The following RBM20 variants were observed in gnomAD, a reference collection of about 807,000 sequenced individuals.
The protein encoded by RBM20 is RNA binding motif protein 20, also known as RNA-binding protein 20.
In RBM20, 51 loss-of-function variants were observed where a neutral mutation model predicts 110.1. The observed-to-expected ratio is 0.46, with a 90% CI of 0.37 to 0.59. RBM20 has a LOEUF of 0.59. RBM20 is among the 20% of genes least tolerant of loss of function. The pLI, the probability that RBM20 is intolerant of heterozygous loss-of-function variation, is 0.00. For missense variants in RBM20, 1,512 were observed against 1,574.9 expected, an observed-to-expected ratio of 0.96 and a Z score of 0.68; for synonymous variants, 589 against 618.2, an observed-to-expected ratio of 0.95 and a Z score of 0.70.
At chr10:110,728,482 G>A (rs1298525517) in intron 1 of RBM20, among the ~76,000 whole-genome samples, 1 of 151,992 alleles carries the variant, frequency 6.6e-6, no homozygotes. Flanking sequence ...GGTAGACTTT[G>A]GTAAATTGCT....
intron 1 of RBM20, among the ~76,000 whole-genome samples, chr10:110,705,204 G>T (rs1347602388): frequency 6.6e-6 from 1 of 152,154 alleles, no homozygotes; most frequent in African/African-American, 2.4e-5. Flanking sequence ...TGTGTTTGAC[G>T]CCTGGAACAG....
rs545308250 is a variant in RBM20 at position 110,798,396 on chromosome 10, T to A, written c.1668+748T>A. ...ATAGCCACATCAGGTCATTAAGCTA[T>A]CTCTCTCCATCAACCTGGAGTGAGA... On this transcript the variant is annotated intron_variant, in intron 6 of 13. Transcript: ENST00000369519. Among the ~76,000 whole-genome samples the A allele has an allele frequency of 2.0e-5, 3 of 152,374 alleles. No homozygotes were observed. In the East Asian group the frequency reaches 5.8e-4, roughly 29 times the overall value.
chr10:110,823,605 A>G lies in RBM20; in HGVS notation c.3442A>G (p.Ile1148Val), dbSNP rs1844945593. The stretch of plus-strand genomic sequence containing the variant: ...AGAGGATGTGTTCAGTGAACTTAGC[A>G]TTCCTCTAGGTAAGCAAAACACACA... ...EPEDVFSELS[I>V]PLGVEFVVPR... The change falls in exon 12 of 14, where the codon ATT becomes GTT. Residue 1148 changes from isoleucine (I) to valine (V), a missense_variant. Physicochemically the swap from Ile to Val is conservative, Grantham distance 29. Coordinates refer to ENST00000369519, the MANE Select transcript of RBM20 (RefSeq NM_001134363.3). The G allele has an allele frequency of 7.7e-6, 12 of 1,551,284 alleles. No individual in the cohort carries two copies. Among genetic ancestry groups the G allele is most frequent in the Non-Finnish European group, 1.0e-5 (12 of 1,146,898 alleles).
Position 110,821,478 on chromosome 10 carries a change from A to G in RBM20, c.2859A>G (p.Leu953=). The G allele has an allele frequency of 1.9e-6, 3 of 1,551,896 alleles. No homozygotes were observed. Among genetic ancestry groups the G allele is most frequent in the Non-Finnish European group, 2.6e-6 (3 of 1,147,034 alleles). ...PETCLCVTTT[L]DLDLAQDFPK... ...CATGTCTGTGTGTGACAACCACCTTAGACTTAGACCTGGCCCAGGATTTCC... is the reference window on the plus strand; with the variant it reads ...CATGTCTGTGTGTGACAACCACCTTGGACTTAGACCTGGCCCAGGATTTCC... Residue 953 remains leucine (L), a synonymous_variant, in exon 11 of 14, where the codon TTA becomes TTG. Transcript: ENST00000369519.
chr10:110,711,953 C>G (rs1862936467), intron 1 of RBM20, among the ~76,000 whole-genome samples: 1 of 151,980 alleles, frequency 6.6e-6, no homozygotes, highest in African/African-American at 2.4e-5. Context: ...TGTTGTTGAT[C>G]TACAGTGGGA....
At chr10:110,737,193 A>AAAAAAAAAAAAAAAAAAAAAAAAAAAAAC (rs796374212) in intron 1 of RBM20, among the ~76,000 whole-genome samples, 10 of 116,436 alleles carry the variant, frequency 8.6e-5, no homozygotes, top group Middle Eastern at 4.2e-3. Flanking sequence ...AAAAAAAAAA[A>AAAAAAAAAAAAAAAAAAAAAAAAAAAAAC]AAAACACCCC....
At chr10:110,655,277 C>T (rs1209416828) in intron 1 of RBM20, among the ~76,000 whole-genome samples, 1 of 146,690 alleles carries the variant, frequency 6.8e-6, no homozygotes, top group Non-Finnish European at 1.5e-5. Context: ...CCCACCCCCG[C>T]CCTTTTTTTT....
intron 1 of RBM20, among the ~76,000 whole-genome samples, chr10:110,775,961 C>T (rs1431956532): frequency 6.6e-6 from 1 of 152,200 alleles, no homozygotes; most frequent in African/African-American, 2.4e-5. Context: ...GCTTTATTCT[C>T]AAGCAGGCTG....
intron 1 of RBM20, among the ~76,000 whole-genome samples, chr10:110,720,566 C>G (rs1004133255): frequency 2.0e-5 from 3 of 152,170 alleles, no homozygotes; most frequent in African/African-American, 7.2e-5. Context: ...GTCAGAATCA[C>G]TTCTCCACCC....
chr10:110,682,331 A>G (rs1177532586), intron 1 of RBM20, among the ~76,000 whole-genome samples: 1 of 152,264 alleles, frequency 6.6e-6, no homozygotes, highest in African/African-American at 2.4e-5. Context: ...ATTTTTGAAG[A>G]GTATTGGTCA....
intron 1 of RBM20, among the ~76,000 whole-genome samples, chr10:110,760,277 C>T (rs531878647): frequency 4.3e-4 from 66 of 152,248 alleles, no homozygotes; most frequent in Non-Finnish European, 7.2e-4. Flanking sequence ...TGTGCATTGC[C>T]CTTACTCTTA....
chr10:110,788,381 T>A (rs575709650), intron 5 of RBM20, among the ~76,000 whole-genome samples: 1 of 152,340 alleles, frequency 6.6e-6, no homozygotes, highest in South Asian at 2.1e-4. Context: ...TGAACTCAGA[T>A]GTTTGGAGGC....
intron 1 of RBM20, among the ~76,000 whole-genome samples, chr10:110,656,004 A>C (rs1389006693): frequency 6.6e-6 from 1 of 152,196 alleles, no homozygotes; most frequent in African/African-American, 2.4e-5. Context: ...AATTGAGATA[A>C]TAATAAACAT....
intron 5 of RBM20, among the ~76,000 whole-genome samples, chr10:110,794,824 G>C (rs751726760): frequency 6.6e-6 from 1 of 152,218 alleles, no homozygotes; most frequent in African/African-American, 2.4e-5. Flanking sequence ...CAGCATGAAT[G>C]CTTCTCTTCT....
rs1844596283 is a variant in RBM20, at chr10:110,799,677, T to A, written c.1669-110T>A. The A allele has an allele frequency of 2.9e-6, 3 of 1,038,506 alleles. No homozygotes were observed. The Admixed American group carries it at 8.2e-5, about 28-fold the overall frequency. The allele number at this position is 1,038,506 out of a possible 1,614,324, so 64.3% of individuals were successfully genotyped here. On this transcript the variant is annotated intron_variant, in intron 6 of 13. Transcript: ENST00000369519. Reference sequence around the variant, plus strand: ...CAATGCTAACTCCTGTCACCGTTGATTAGTTTTGCCTGTTCTTGAACTTCA... The same window carrying A: ...CAATGCTAACTCCTGTCACCGTTGAATAGTTTTGCCTGTTCTTGAACTTCA...
intron 6 of RBM20, among the ~76,000 whole-genome samples, chr10:110,798,250 A>G (rs183148467): frequency 1.3e-5 from 2 of 152,340 alleles, no homozygotes; most frequent in African/African-American, 2.4e-5. Flanking sequence ...TGGGGAGTTT[A>G]TACTCCCAAC....
intron 1 of RBM20, among the ~76,000 whole-genome samples, chr10:110,742,602 T>C (rs1166856876): frequency 6.6e-6 from 1 of 152,176 alleles, no homozygotes; most frequent in Non-Finnish European, 1.5e-5. Context: ...CCCCCGAACT[T>C]CTTTGTACAG....
intron 1 of RBM20, among the ~76,000 whole-genome samples, chr10:110,704,644 G>A (rs1862809490): frequency 6.6e-6 from 1 of 152,176 alleles, no homozygotes; most frequent in Non-Finnish European, 1.5e-5. Context: ...GGAGAGGAGG[G>A]GATTCAGATG....
At chr10:110,688,639 C>T (rs540022319) in intron 1 of RBM20, among the ~76,000 whole-genome samples, 1 of 152,234 alleles carries the variant, frequency 6.6e-6, no homozygotes, top group South Asian at 2.1e-4. Flanking sequence ...AGCACTGTTA[C>T]TTTGCAATAA....
Sources: gnomAD v4.1 joint callset for allele counts (sites outside exome capture counted in the v4.1 genomes callset) on GRCh38, gnomAD v4.1.1 for gene constraint, MANE v1.5 for transcripts, NCBI Gene and HGNC (gene_info 2026-07-23, HGNC 2026-07-21) for gene names.